Variants in PLCE1 observed in about 807,000 individuals in gnomAD.
PLCE1 encodes 1-phosphatidylinositol 4,5-bisphosphate phosphodiesterase epsilon-1.
Under a neutral mutation model 242.8 loss-of-function variants are expected in PLCE1, and 119 were observed. That is an observed-to-expected ratio of 0.49 (90% CI 0.42 to 0.57). The LOEUF (loss-of-function observed/expected upper bound fraction) is 0.57. Ranked by LOEUF, PLCE1 falls within the 20% of genes least tolerant of loss-of-function variation. PLCE1 has a pLI of 0.00. For missense variants in PLCE1, 2,441 were observed against 2,788.8 expected, an observed-to-expected ratio of 0.88 and a Z score of 2.81; for synonymous variants, 945 against 1,017.4, an observed-to-expected ratio of 0.93 and a Z score of 1.35.
intron 22 of PLCE1, among the ~76,000 whole-genome samples, chr10:94,292,880 A>C (rs940831309): frequency 2.6e-5 from 4 of 152,178 alleles, no homozygotes; most frequent in African/African-American, 9.7e-5. Context: ...CTCTTTCAGC[A>C]AATATGTATT....
chr10:94,246,574 G>A lies in PLCE1; in HGVS notation c.3049G>A (p.Asp1017Asn), dbSNP rs1220705180. The change falls in exon 8 of 33, where the codon GAC becomes AAC. Residue 1017 changes from aspartate (D) to asparagine (N), a missense_variant. By Grantham distance (23) the Asp-to-Asn change is conservative (BLOSUM62 1). Transcript: ENST00000371380. ...TGTGAGAAAGATGAGGAAATTCCCT[G>A]ACCAAAGACAGCAGTGGCTGCGGAA... ...RAVRKMRKFP[D>N]QRQQWLRKQY... 3.7e-6 allele frequency: 6 copies of A among 1,614,046 alleles called. No individual in the cohort carries two copies. Among genetic ancestry groups the A allele is most frequent in the Non-Finnish European group, 8.5e-7 (1 of 1,180,024 alleles).
chr10:94,162,084 C>T (rs2047634950), intron 3 of PLCE1, among the ~76,000 whole-genome samples: 1 of 152,124 alleles, frequency 6.6e-6, no homozygotes, highest in Non-Finnish European at 1.5e-5. Context: ...ATTTTTGCAT[C>T]AATGTTCATC....
At chr10:94,299,354 A>G (rs2052956155) in intron 24 of PLCE1, among the ~76,000 whole-genome samples, 1 of 152,200 alleles carries the variant, frequency 6.6e-6, no homozygotes, top group African/African-American at 2.4e-5. Flanking sequence ...AAAGTTGTGT[A>G]CCTTTATGAT....
chr10:94,140,702 A>C (rs1278061172), intron 3 of PLCE1, among the ~76,000 whole-genome samples: 1 of 152,242 alleles, frequency 6.6e-6, no homozygotes, highest in Non-Finnish European at 1.5e-5. Flanking sequence ...TTAGTTTGTA[A>C]AGGCTGGCTT....
chr10:94,082,092 A>T (rs1044071384), intron 2 of PLCE1: 1 of 152,226 alleles, frequency 6.6e-6, no homozygotes, highest in South Asian at 2.1e-4. Flanking sequence ...AACTTCAGCT[A>T]TAGGGAGTAG....
intron 2 of PLCE1, 25 bp downstream of exon 2, chr10:94,032,277 C>A: frequency 6.2e-7 from 1 of 1,609,534 alleles, no homozygotes; most frequent in Admixed American, 1.7e-5. Flanking sequence ...TTCTTTTTAC[C>A]ATTTCTTTAA....
chr10:94,039,674 C>A (rs1388442480), intron 2 of PLCE1, among the ~76,000 whole-genome samples: 1 of 152,226 alleles, frequency 6.6e-6, no homozygotes, highest in African/African-American at 2.4e-5. Flanking sequence ...GCGTGAGCCA[C>A]CACACCCAGC....
rs764511730 is a variant in PLCE1 at position 94,032,155 on chromosome 10, G to T, written c.1109G>T (p.Gly370Val). ...AGTTACATAGATCAGAAGAGAAATG[G>T]TCCCTTACTGCCTTGTGGGAGAGTA... is the stretch of plus-strand genomic sequence containing the variant. Reference protein sequence around the residue: ...AWSYIDQKRNGPLLPCGRVME... With the variant: ...AWSYIDQKRNVPLLPCGRVME... The change falls in exon 2 of 33, where the codon GGT becomes GTT. Residue 370 changes from glycine to valine, a missense_variant. Physicochemically the swap from Gly to Val is moderately radical, Grantham distance 109 (BLOSUM62 -3). Around this residue, in one of 5 missense-constraint regions of PLCE1, gnomAD observed 733 missense variants for 754.2 expected, o/e 0.97. Coordinates refer to ENST00000371380, the MANE Select transcript of PLCE1 (RefSeq NM_016341.4). The T allele has an allele frequency of 1.6e-5, 26 of 1,609,412 alleles. No individual in the cohort carries two copies. The highest frequency in any genetic ancestry group is 2.2e-5 in the Non-Finnish European group (26 of 1,178,800).
intron 3 of PLCE1, among the ~76,000 whole-genome samples, chr10:94,164,045 T>C (rs2047710121): frequency 6.6e-6 from 1 of 152,204 alleles, no homozygotes; most frequent in South Asian, 2.1e-4. Context: ...GGGTTTCCCT[T>C]TGTGGGTAAC....
chr10:94,255,918 T>C (rs5009802), intron 11 of PLCE1, among the ~76,000 whole-genome samples: 1 of 49,382 alleles, frequency 2.0e-5, no homozygotes, highest in Admixed American at 2.0e-4. Flanking sequence ...ACACACACTC[T>C]CTCTCTCTCT....
chr10:94,178,169 C>T (rs2048182929), intron 4 of PLCE1, among the ~76,000 whole-genome samples: 2 of 152,176 alleles, frequency 1.3e-5, no homozygotes, highest in Admixed American at 6.5e-5. Context: ...GTGTAACAGA[C>T]AGTTGATATC....
At chr10:94,108,415 G>A (rs1241514989) in intron 2 of PLCE1, 1 of 152,218 alleles carries the variant, frequency 6.6e-6, no homozygotes, top group African/African-American at 2.4e-5. Context: ...GACAGTGGTT[G>A]AAGTCTCTGC....
Position 94,298,355 on chromosome 10 carries a change from C to A in PLCE1, c.5168-24C>A, listed in dbSNP as rs572495657. 1.9e-6 allele frequency: 3 copies of A among 1,609,446 alleles called. No individual in the cohort carries two copies. The highest frequency in any genetic ancestry group is 3.3e-5 in the Admixed American group (2 of 59,990). Reference sequence around the variant, plus strand: ...ATTTAAAGTTTTCTACACTAATCTGCGGCTAATTTCTTGGGGGGTTTAGGT... The same window carrying A: ...ATTTAAAGTTTTCTACACTAATCTGAGGCTAATTTCTTGGGGGGTTTAGGT... On this transcript the variant is annotated intron_variant, in intron 23 of 32. Coordinates refer to ENST00000371380, the MANE Select transcript of PLCE1 (RefSeq NM_016341.4). This position sits in a 1 kb window ranked among gnomAD's most constrained non-coding sequence, Gnocchi z 5.2.
chr10:94,163,736 G>A (rs188376608), intron 3 of PLCE1, among the ~76,000 whole-genome samples: 30 of 152,248 alleles, frequency 2.0e-4, no homozygotes, highest in African/African-American at 6.7e-4. Context: ...TACTTGATGC[G>A]GTTTCTTCCT....
At chr10:94,065,243 C>T (rs2044166364) in intron 2 of PLCE1, among the ~76,000 whole-genome samples, 1 of 152,164 alleles carries the variant, frequency 6.6e-6, no homozygotes, top group African/African-American at 2.4e-5. Flanking sequence ...TTCAACTGTC[C>T]ACCAATTTGG....
chr10:94,009,164 G>A (rs1246650271), intron 1 of PLCE1, among the ~76,000 whole-genome samples: 1 of 152,128 alleles, frequency 6.6e-6, no homozygotes, highest in Non-Finnish European at 1.5e-5. Flanking sequence ...CTTCTGGGGA[G>A]GGCCTCAGGA....
intron 2 of PLCE1, among the ~76,000 whole-genome samples, chr10:94,036,523 A>G (rs977394535): frequency 1.3e-5 from 2 of 152,176 alleles, no homozygotes; most frequent in African/African-American, 2.4e-5. Flanking sequence ...AATGGAAAAC[A>G]TTAATGAAGA....
intron 21 of PLCE1, among the ~76,000 whole-genome samples, chr10:94,284,335 A>G (rs116550124): frequency 3.9e-5 from 6 of 152,326 alleles, no homozygotes; most frequent in South Asian, 2.1e-4. Context: ...GCAGCCTGGT[A>G]TGTCCAGGGA....
intron 22 of PLCE1, among the ~76,000 whole-genome samples, chr10:94,290,752 T>C (rs1244645196): frequency 1.3e-5 from 2 of 152,174 alleles, no homozygotes; most frequent in African/African-American, 2.4e-5. Flanking sequence ...AGAATGAGTA[T>C]ACTCTAAAAT....
Sources: allele counts gnomAD v4.1 joint callset (sites outside exome capture counted in the v4.1 genomes callset), GRCh38; gene constraint gnomAD v4.1.1; regional missense constraint gnomAD v4.1.1; non-coding constraint Gnocchi (gnomAD v3.1); transcripts MANE v1.5; gene names NCBI Gene and HGNC (gene_info 2026-07-23, HGNC 2026-07-21).